The following HDAC9 variants were observed in gnomAD, a reference collection of about 807,000 sequenced individuals.
HDAC9 encodes the protein histone deacetylase 9.
HDAC9 carries 41 observed loss-of-function variants against 139.4 expected under a neutral mutation model. The ratio of observed to expected loss-of-function variants is 0.29; its 90% CI spans 0.23 to 0.38. HDAC9 has a LOEUF of 0.38. HDAC9 is among the 10% of genes least tolerant of loss of function. HDAC9 has a pLI of 1.00. For synonymous variants in HDAC9, 517 were observed against 476.2 expected (o/e 1.09, Z -1.12); for missense variants, 1,147 against 1,297.0 (o/e 0.88, Z 1.78).
intron 1 of HDAC9, among the ~76,000 whole-genome samples, chr7:18,471,822 G>A (rs1794746851): frequency 2.6e-5 from 4 of 152,146 alleles, no homozygotes; most frequent in African/African-American, 9.7e-5. Flanking sequence ...GAAAATCAGA[G>A]ATTACTACCA....
intron 6 of HDAC9, among the ~76,000 whole-genome samples, chr7:18,599,387 A>G (rs1463585947): frequency 6.6e-6 from 1 of 152,202 alleles, no homozygotes. Flanking sequence ...GTGTCATATC[A>G]TGTCATATAT....
At chr7:18,954,305 A>C in intron 24 of HDAC9, 75 bp downstream of exon 24, 1 of 1,025,170 alleles carries the variant, frequency 9.8e-7, no homozygotes, top group Non-Finnish European at 1.5e-6. Flanking sequence ...TTATAGTACA[A>C]AGAAACATTT....
intron 21 of HDAC9, among the ~76,000 whole-genome samples, chr7:18,868,951 G>C (rs942097628): frequency 1.3e-5 from 2 of 152,094 alleles, no homozygotes; most frequent in African/African-American, 4.8e-5. Context: ...GGAGGGCATG[G>C]AGACTCCATA....
chr7:18,279,271 G>A (rs1796942355), intron 2 of HDAC9, among the ~76,000 whole-genome samples: 1 of 152,032 alleles, frequency 6.6e-6, no homozygotes, highest in Admixed American at 6.6e-5. Flanking sequence ...CAGCCTGCCT[G>A]GCTTTTCCAC....
intron 1 of HDAC9, among the ~76,000 whole-genome samples, chr7:18,124,053 A>G (rs2128095989): frequency 6.6e-6 from 1 of 152,280 alleles, no homozygotes; most frequent in Non-Finnish European, 1.5e-5. Flanking sequence ...ATTGGCCAGA[A>G]CCCTGACTCA....
At chr7:18,571,515 A>G (rs1369808509) in intron 2 of HDAC9, among the ~76,000 whole-genome samples, 1 of 152,232 alleles carries the variant, frequency 6.6e-6, no homozygotes, top group Non-Finnish European at 1.5e-5. Context: ...TATTTGAAGA[A>G]AATAAGAAAA....
At chr7:18,808,902 A>G (rs1793948472) in intron 17 of HDAC9, among the ~76,000 whole-genome samples, 1 of 152,056 alleles carries the variant, frequency 6.6e-6, no homozygotes, top group African/African-American at 2.4e-5. Flanking sequence ...AACAACAAAA[A>G]CGAAGATGAA....
At chr7:18,185,614 A>G (rs1255056145) in intron 2 of HDAC9, among the ~76,000 whole-genome samples, 1 of 152,192 alleles carries the variant, frequency 6.6e-6, no homozygotes, top group Non-Finnish European at 1.5e-5. Context: ...ATACTTTTTA[A>G]AAAGCCCCTT....
chr7:18,158,129 G>A (rs547671621), intron 1 of HDAC9, among the ~76,000 whole-genome samples: 2 of 152,084 alleles, frequency 1.3e-5, no homozygotes, highest in Non-Finnish European at 2.9e-5. Context: ...GACTATAAAA[G>A]CGTTCTGCTT....
intron 22 of HDAC9, among the ~76,000 whole-genome samples, chr7:18,926,818 C>T (rs1804273134): frequency 6.6e-6 from 1 of 152,106 alleles, no homozygotes; most frequent in African/African-American, 2.4e-5. Context: ...TCAAAAGGTG[C>T]TGAGAATATA....
intron 2 of HDAC9, among the ~76,000 whole-genome samples, chr7:18,243,234 A>G (rs1284635822): frequency 2.0e-5 from 3 of 152,256 alleles, no homozygotes; most frequent in Admixed American, 6.5e-5. Flanking sequence ...ATGGATGTAA[A>G]GAAATAATTG....
intron 19 of HDAC9, among the ~76,000 whole-genome samples, chr7:18,829,959 G>A (rs1795739084): frequency 6.6e-6 from 1 of 152,114 alleles, no homozygotes; most frequent in African/African-American, 2.4e-5. Flanking sequence ...GTTGCTTGTT[G>A]TGCAACAGTG....
At chr7:18,764,610 C>CT (rs1160850633) in intron 15 of HDAC9, among the ~76,000 whole-genome samples, 1 of 152,008 alleles carries the variant, frequency 6.6e-6, no homozygotes, top group South Asian at 2.1e-4. Context: ...ATTCTTCTGG[C>CT]TTTTTTTATT....
At chr7:18,568,020 G>GTGTATATATATATATATA (rs1402833122) in intron 2 of HDAC9, among the ~76,000 whole-genome samples, 1 of 48,848 alleles carries the variant, frequency 2.0e-5, no homozygotes, top group Non-Finnish European at 3.4e-5. Context: ...CAGGATATAT[G>GTGTATATATATATATATA]TATATGTATA....
chr7:18,950,274 A>G (rs2129321454), intron 23 of HDAC9, among the ~76,000 whole-genome samples: 2 of 152,184 alleles, frequency 1.3e-5, no homozygotes, highest in East Asian at 3.9e-4. Context: ...ATTTCCCTGC[A>G]TTTCTGATCT....
intron 1 of HDAC9, among the ~76,000 whole-genome samples, chr7:18,349,664 T>C (rs150452656): frequency 1.1e-3 from 168 of 152,048 alleles, no homozygotes; most frequent in Non-Finnish European, 1.9e-3. Flanking sequence ...GTTACCCTAA[T>C]ATTGTCTTTG....
At chr7:18,655,041 T>C (rs146036111) in intron 11 of HDAC9, among the ~76,000 whole-genome samples, 2 of 152,328 alleles carry the variant, frequency 1.3e-5, no homozygotes, top group East Asian at 3.9e-4. Flanking sequence ...TGGGCAAGCC[T>C]GAAGCTGGAA....
At chr7:18,516,419 G>A (rs913562063) in intron 2 of HDAC9, among the ~76,000 whole-genome samples, 7 of 152,212 alleles carry the variant, frequency 4.6e-5, no homozygotes, top group African/African-American at 1.7e-4. Flanking sequence ...TGATTTCCAG[G>A]AAGGAGGATG....
At chr7:18,404,093 CA>C (rs1421318457) in intron 1 of HDAC9, among the ~76,000 whole-genome samples, 4 of 152,288 alleles carry the variant, frequency 2.6e-5, no homozygotes, top group African/African-American at 9.6e-5. Flanking sequence ...TGACCTTAAT[CA>C]GAAATCAATA....
Sources: gnomAD v4.1 joint callset for allele counts (sites outside exome capture counted in the v4.1 genomes callset) on GRCh38, gnomAD v4.1.1 for gene constraint, MANE v1.5 for transcripts, NCBI Gene and HGNC (gene_info 2026-07-23, HGNC 2026-07-21) for gene names.